The following ADGRL3 variants were observed in gnomAD, a reference collection of about 807,000 sequenced individuals.
The protein encoded by ADGRL3 is adhesion G protein-coupled receptor L3.
ADGRL3 carries 62 observed loss-of-function variants against 153.5 expected under a neutral mutation model. The ratio of observed to expected loss-of-function variants is 0.40; its 90% CI spans 0.33 to 0.50. ADGRL3 has a LOEUF of 0.50. Ranked by LOEUF, ADGRL3 falls within the 20% of genes least tolerant of loss-of-function variation. The pLI, the probability that ADGRL3 is intolerant of heterozygous loss-of-function variation, is 0.47. For synonymous variants in ADGRL3, 710 were observed against 672.5 expected (o/e 1.06, Z -0.86); for missense variants, 1,641 against 1,859.4 (o/e 0.88, Z 2.16).
chr4:61,675,256 A>G (rs1431526162), intron 5 of ADGRL3, among the ~76,000 whole-genome samples: 1 of 151,968 alleles, frequency 6.6e-6, no homozygotes, highest in Non-Finnish European at 1.5e-5. Flanking sequence ...AGGTCACATC[A>G]GAGAACAGAA....
intron 11 of ADGRL3, among the ~76,000 whole-genome samples, chr4:61,907,635 C>T (rs898131947): frequency 5.3e-5 from 8 of 149,854 alleles, no homozygotes; most frequent in Non-Finnish European, 1.0e-4. Context: ...TATATATATA[C>T]ACATGATATA....
At chr4:61,513,054 TGATAA>T (rs2098472084) in intron 3 of ADGRL3, among the ~76,000 whole-genome samples, 1 of 152,176 alleles carries the variant, frequency 6.6e-6, no homozygotes, top group Non-Finnish European at 1.5e-5. Flanking sequence ...CTGGTAACTC[TGATAA>T]ATATGCCCAG....
chr4:61,477,397 A>C (rs1233802590), intron 2 of ADGRL3, among the ~76,000 whole-genome samples: 1 of 152,106 alleles, frequency 6.6e-6, no homozygotes, highest in Non-Finnish European at 1.5e-5. Context: ...ACACATGTGC[A>C]CACACAATTT....
intron 12 of ADGRL3, among the ~76,000 whole-genome samples, chr4:61,911,098 G>A (rs189369736): frequency 3.0e-4 from 45 of 152,184 alleles, no homozygotes; most frequent in East Asian, 1.9e-3. Flanking sequence ...ATTTTAATGC[G>A]TTGTTGCCCA....
At position 61,948,234 on chromosome 4, in the gene ADGRL3, C is replaced by T; in HGVS notation, c.2763C>T (p.His921=). 1.2e-6 allele frequency: 2 copies of T among 1,613,762 alleles called. No homozygotes were observed. Among genetic ancestry groups the T allele is most frequent in the Non-Finnish European group, 8.5e-7 (1 of 1,179,814 alleles). ...NKTHTTCSCN[H]LTNFAVLMAH... ...CACATACTACATGCTCTTGTAACCA[C>T]CTAACAAATTTTGCAGTACTGATGG... is the stretch of plus-strand genomic sequence containing the variant. The change falls in exon 17 of 27, where the codon CAC becomes CAT. Residue 921 remains histidine, a synonymous_variant. Coordinates refer to ENST00000683033, the MANE Select transcript of ADGRL3 (RefSeq NM_001387552.1).
rs554300282 is a variant in ADGRL3, at chr4:62,004,954, TA to T, written c.3395+6690del. Among the ~76,000 whole-genome samples, 390 of 152,198 alleles carry T rather than the reference TA, an allele frequency of 2.6e-3. 1 individual carries two copies. The highest frequency in any genetic ancestry group is 0.023 in the Admixed American group (356 of 15,268). ...ACATTACTAGAAATCACCATAACAA[TA>T]TCATAAGCAATCCAAGTGTATTTAA... On this transcript the variant is annotated intron_variant, in intron 21 of 26. Transcript: ENST00000683033.
chr4:61,845,680 T>A lies in ADGRL3; in HGVS notation c.1480+31791T>A, dbSNP rs568669283. On this transcript the variant is annotated intron_variant, in intron 9 of 26. Coordinates refer to ENST00000683033, the MANE Select transcript of ADGRL3 (RefSeq NM_001387552.1). ...AGCACCCAGCCTCCCTCTCTTTTAT[T>A]AACAATTATATAGTTCTCTACTAAG... is the stretch of plus-strand genomic sequence containing the variant. 4.2e-4 allele frequency among the ~76,000 whole-genome samples: 64 copies of A among 152,084 alleles called. No individual in the cohort carries two copies. In the South Asian group the frequency reaches 0.013, roughly 31 times the overall value.
At chr4:61,251,872 T>A (rs1010947196) in intron 1 of ADGRL3, among the ~76,000 whole-genome samples, 1 of 148,514 alleles carries the variant, frequency 6.7e-6, no homozygotes, top group Non-Finnish European at 1.5e-5. Flanking sequence ...AGATTCTTTT[T>A]TTTTTTAATT....
intron 1 of ADGRL3, among the ~76,000 whole-genome samples, chr4:61,359,093 C>T (rs2096242624): frequency 6.6e-6 from 1 of 152,196 alleles, no homozygotes; most frequent in African/African-American, 2.4e-5. Context: ...TCCTCTCATA[C>T]ATCACATATA....
intron 26 of ADGRL3, among the ~76,000 whole-genome samples, chr4:62,069,677 C>G (rs1303530221): frequency 6.6e-6 from 1 of 151,964 alleles, no homozygotes; most frequent in African/African-American, 2.4e-5. Flanking sequence ...TATTTTGATG[C>G]TAAGACAATT....
intron 2 of ADGRL3, chr4:61,425,192 C>T (rs2097261731): frequency 6.6e-6 from 1 of 152,256 alleles, no homozygotes; most frequent in Non-Finnish European, 1.5e-5. Context: ...ATCGTGGTAC[C>T]TGTGGGGTGG....
At chr4:61,482,531 A>G (rs1456182777) in intron 2 of ADGRL3, among the ~76,000 whole-genome samples, 1 of 152,144 alleles carries the variant, frequency 6.6e-6, no homozygotes, top group East Asian at 1.9e-4. Flanking sequence ...GTCCTTGTGA[A>G]TCACCACTCT....
In ADGRL3 at chr4:61,386,288, A is replaced by G. The variant is rs1457080130; in HGVS notation, c.-174+3099A>G. Among the ~76,000 whole-genome samples the G allele has an allele frequency of 2.0e-5, 3 of 152,150 alleles. No individual in the cohort carries two copies. In the East Asian group the frequency reaches 5.8e-4, roughly 29 times the overall value. ...GGTTATTTTTCAGTTTCATTATATA[A>G]CATAAACACTACTCAGATTTATTAA... On this transcript the variant is annotated intron_variant, in intron 2 of 26. Coordinates refer to ENST00000683033, the MANE Select transcript of ADGRL3 (RefSeq NM_001387552.1).
At chr4:61,828,675 G>A (rs4860435) in intron 9 of ADGRL3, among the ~76,000 whole-genome samples, 9 of 151,566 alleles carry the variant, frequency 5.9e-5, no homozygotes, top group African/African-American at 1.2e-4. Context: ...CTGTCTTAAT[G>A]GAGTACTTCA....
rs116154345 is a variant in ADGRL3 at position 62,003,919 on chromosome 4, C to T, written c.3395+5654C>T. Among the ~76,000 whole-genome samples the T allele has an allele frequency of 4.0e-3, 603 of 152,130 alleles. 2 individuals are homozygous for T. The highest frequency in any genetic ancestry group is 0.014 in the African/African-American group (564 of 41,528). On this transcript the variant is annotated intron_variant, in intron 21 of 26. Coordinates refer to ENST00000683033, the MANE Select transcript of ADGRL3 (RefSeq NM_001387552.1). ...ATCCTCAGTGAGCTTGGACACCTGCCATATGCTAAGAAATCTAAGAAGGCT... is the reference window on the plus strand; with the variant it reads ...ATCCTCAGTGAGCTTGGACACCTGCTATATGCTAAGAAATCTAAGAAGGCT...
At position 61,583,318 on chromosome 4, in the gene ADGRL3, C is replaced by T. The variant is rs2098933672; in HGVS notation, c.260-3909C>T. On this transcript the variant is annotated intron_variant, in intron 4 of 26. Transcript: ENST00000683033. ...ATCCCTAGTCTGGTATCTTTAGTTA[C>T]CATCACACACAAGTTCATCAAGGCC... Among the ~76,000 whole-genome samples, 4 of 152,048 alleles carry T rather than the reference C, an allele frequency of 2.6e-5. No homozygotes were observed. The East Asian group carries it at 7.8e-4, about 30-fold the overall frequency.
chr4:61,348,126 T>C (rs2095962075), intron 1 of ADGRL3, among the ~76,000 whole-genome samples: 1 of 151,940 alleles, frequency 6.6e-6, no homozygotes, highest in Admixed American at 6.6e-5. Flanking sequence ...AAAACGTAGA[T>C]TACCAAAAGG....
chr4:61,847,252 C>T (rs2098128209), intron 9 of ADGRL3, among the ~76,000 whole-genome samples: 1 of 151,570 alleles, frequency 6.6e-6, no homozygotes, highest in South Asian at 2.1e-4. Flanking sequence ...ATGATTGTAT[C>T]CTTAAGACTG....
intron 5 of ADGRL3, among the ~76,000 whole-genome samples, chr4:61,657,524 A>G (rs1485263283): frequency 6.6e-6 from 1 of 152,110 alleles, no homozygotes; most frequent in African/African-American, 2.4e-5. Flanking sequence ...TGTTCTCTCT[A>G]TAGATTCAGT....
Sources: allele counts gnomAD v4.1 joint callset (sites outside exome capture counted in the v4.1 genomes callset), GRCh38; gene constraint gnomAD v4.1.1; transcripts MANE v1.5; gene names NCBI Gene and HGNC (gene_info 2026-07-23, HGNC 2026-07-21).